Variants in ITGB3BP observed in about 807,000 individuals in gnomAD.
The protein encoded by ITGB3BP is centromere protein R.
Under a neutral mutation model 29.1 loss-of-function variants are expected in ITGB3BP, and 27 were observed. That is an observed-to-expected ratio of 0.93 (90% CI 0.68 to 1.28). The LOEUF (loss-of-function observed/expected upper bound fraction) is 1.28. Ranked by LOEUF, ITGB3BP falls within the 50% of genes most tolerant of loss-of-function variation. The pLI, the probability that ITGB3BP is intolerant of heterozygous loss-of-function variation, is 0.00. For synonymous variants in ITGB3BP, 61 were observed against 61.4 expected (o/e 0.99, Z 0.03); for missense variants, 192 against 200.2 (o/e 0.96, Z 0.25).
chr1:63,458,946 C>A (rs1644973833), intron 4 of ITGB3BP, among the ~76,000 whole-genome samples: 1 of 152,070 alleles, frequency 6.6e-6, no homozygotes, highest in Admixed American at 6.6e-5. Context: ...TTCCATGATT[C>A]ATCAGTTATA....
At chr1:63,460,215 T>C (rs1644995231) in intron 4 of ITGB3BP, among the ~76,000 whole-genome samples, 1 of 152,250 alleles carries the variant, frequency 6.6e-6, no homozygotes, top group Admixed American at 6.5e-5. Context: ...ACATTCACAA[T>C]GTTGTGCAAC....
intron 4 of ITGB3BP, among the ~76,000 whole-genome samples, chr1:63,466,491 C>G (rs553295926): frequency 7.2e-4 from 110 of 152,320 alleles, no homozygotes; most frequent in Non-Finnish European, 1.3e-3. Context: ...GCATTGCCAC[C>G]AACCCCAATA....
intron 2 of ITGB3BP, among the ~76,000 whole-genome samples, chr1:63,502,474 G>T (rs974488829): frequency 6.6e-6 from 1 of 151,416 alleles, no homozygotes; most frequent in Non-Finnish European, 1.5e-5. Flanking sequence ...CACAAGGCTG[G>T]GAAGGCCTCA....
Position 63,454,517 on chromosome 1 carries a change from T to G in ITGB3BP, c.334-44A>C, listed in dbSNP as rs1481766085. 2 of 879,904 alleles carry G rather than the reference T, an allele frequency of 2.3e-6. No homozygotes were observed. Among genetic ancestry groups the G allele is most frequent in the East Asian group, 2.5e-5 (1 of 39,360 alleles). 54.5% of individuals were successfully genotyped at this position (879,904 alleles called of 1,614,324 possible). Reference sequence around the variant, plus strand: ...GAATGAGTTAAGTTCTCTACACACATGAGATTACTGACATGTCTAGTGAAA... The same window carrying G: ...GAATGAGTTAAGTTCTCTACACACAGGAGATTACTGACATGTCTAGTGAAA... On this transcript the variant is annotated intron_variant, in intron 5 of 8. Transcript: ENST00000271002. This position sits in a 1 kb window ranked among gnomAD's most constrained non-coding sequence, Gnocchi z 4.1.
At chr1:63,462,269 A>G (rs983923383) in intron 4 of ITGB3BP, among the ~76,000 whole-genome samples, 1 of 152,086 alleles carries the variant, frequency 6.6e-6, no homozygotes, top group African/African-American at 2.4e-5. Flanking sequence ...TTAATTTCCT[A>G]TTCAAATTCA....
intron 8 of ITGB3BP, among the ~76,000 whole-genome samples, chr1:63,445,279 C>G (rs1259973877): frequency 2.5e-5 from 3 of 117,926 alleles, no homozygotes; most frequent in African/African-American, 1.2e-4. Flanking sequence ...GAGCAAGACT[C>G]CATTTCAAAA....
At position 63,461,018 on chromosome 1, in the gene ITGB3BP, T is replaced by TA. The variant is rs560584159; in HGVS notation, c.255-6051_255-6050insT. Among the ~76,000 whole-genome samples the TA allele has an allele frequency of 2.1e-3, 311 of 148,264 alleles. 1 individual carries two copies. Among genetic ancestry groups the TA allele is most frequent in the Non-Finnish European group, 3.7e-3 (251 of 67,616 alleles). ...ACTTTGGGAGGCTGAGGTGGGCAGA[T>TA]CACGAGGTTAGGAGATCGAGACCAC... On this transcript the variant is annotated intron_variant, in intron 4 of 8. Coordinates refer to ENST00000271002, the MANE Select transcript of ITGB3BP (RefSeq NM_014288.5).
chr1:63,453,515 T>C (rs929426465), intron 7 of ITGB3BP: 1 of 161,800 alleles, frequency 6.2e-6, no homozygotes, highest in African/African-American at 2.4e-5. Flanking sequence ...AGCATATTAA[T>C]GATCTGAAAG....
intron 1 of ITGB3BP, among the ~76,000 whole-genome samples, chr1:63,517,144 C>CT (rs1006707920): frequency 6.6e-6 from 1 of 151,916 alleles, no homozygotes; most frequent in East Asian, 1.9e-4. Context: ...ATCCACTTAA[C>CT]TTTTTTTAAA....
chr1:63,461,160 C>T (rs11809613), intron 4 of ITGB3BP, among the ~76,000 whole-genome samples: 4 of 146,916 alleles, frequency 2.7e-5, no homozygotes, highest in Admixed American at 6.9e-5. Flanking sequence ...AGGCTGAGGC[C>T]GGAGAATGGC....
intron 3 of ITGB3BP, among the ~76,000 whole-genome samples, chr1:63,486,363 G>C (rs1570234307): frequency 3.3e-5 from 5 of 152,072 alleles, no homozygotes; most frequent in Admixed American, 3.3e-4. Flanking sequence ...CCCCCATGTA[G>C]TCAAAAATCC....
intron 2 of ITGB3BP, among the ~76,000 whole-genome samples, chr1:63,500,162 G>A (rs1169453105): frequency 6.6e-6 from 1 of 152,212 alleles, no homozygotes; most frequent in Non-Finnish European, 1.5e-5. Context: ...CGGATCACCT[G>A]AGGTCAGGAG....
Position 63,467,123 on chromosome 1 carries a change from T to A in ITGB3BP, c.254+11641A>T, listed in dbSNP as rs562511042. 5.9e-4 allele frequency among the ~76,000 whole-genome samples: 90 copies of A among 152,286 alleles called. 4 individuals are homozygous for A. The South Asian group carries it at 0.018, about 31-fold the overall frequency. On this transcript the variant is annotated intron_variant, in intron 4 of 8. Coordinates refer to ENST00000271002, the MANE Select transcript of ITGB3BP (RefSeq NM_014288.5). ...GTCTCTAACTCCTTGCCTCAAGTGA[T>A]CCTCCCTCCTTGGCCTCCTAAAGTC...
At chr1:63,502,012 T>C (rs1413921803) in intron 2 of ITGB3BP, among the ~76,000 whole-genome samples, 4 of 152,204 alleles carry the variant, frequency 2.6e-5, no homozygotes, top group Non-Finnish European at 5.9e-5. Context: ...AAGTATGCTC[T>C]TCTCTTCCCA....
intron 8 of ITGB3BP, among the ~76,000 whole-genome samples, chr1:63,446,240 A>C (rs1315006575): frequency 6.6e-6 from 1 of 152,196 alleles, no homozygotes; most frequent in East Asian, 1.9e-4. Context: ...TAGGTATACT[A>C]AACACTAATA....
chr1:63,483,761 A>G (rs1041479500), intron 3 of ITGB3BP, among the ~76,000 whole-genome samples: 2 of 152,166 alleles, frequency 1.3e-5, no homozygotes, highest in African/African-American at 4.8e-5. Context: ...TATAAACACC[A>G]TATTTCTACT....
At chr1:63,487,829 T>G (rs1645560813) in intron 3 of ITGB3BP, among the ~76,000 whole-genome samples, 2 of 152,098 alleles carry the variant, frequency 1.3e-5, no homozygotes, top group Non-Finnish European at 2.9e-5. Context: ...CGAGCTAGGT[T>G]TGTTTACACT....
chr1:63,472,266 C>A (rs1645211295), intron 4 of ITGB3BP, among the ~76,000 whole-genome samples: 3 of 151,712 alleles, frequency 2.0e-5, no homozygotes, highest in African/African-American at 7.3e-5. Flanking sequence ...AACACTGAAT[C>A]TACAGTGACT....
intron 4 of ITGB3BP, among the ~76,000 whole-genome samples, chr1:63,473,583 C>A (rs1645257938): frequency 2.2e-5 from 3 of 137,732 alleles, no homozygotes; most frequent in Non-Finnish European, 3.2e-5. Flanking sequence ...GGGGTCAGCC[C>A]CCTGCCCGGC....
Sources: gnomAD v4.1 joint callset for allele counts (sites outside exome capture counted in the v4.1 genomes callset) on GRCh38, gnomAD v4.1.1 for gene constraint, Gnocchi (gnomAD v3.1) non-coding constraint, MANE v1.5 for transcripts, NCBI Gene and HGNC (gene_info 2026-07-23, HGNC 2026-07-21) for gene names.